The following SOCS5 variants were observed in gnomAD, a reference collection of about 807,000 sequenced individuals.
SOCS5 encodes the protein CIS-6.
In SOCS5, 32 loss-of-function variants were observed where a neutral mutation model predicts 42.8. The observed-to-expected ratio is 0.75, with a 90% CI of 0.56 to 1.01. The LOEUF (loss-of-function observed/expected upper bound fraction) is 1.01. Among genes scored for constraint, SOCS5 ranks in the 50% least tolerant of loss-of-function variants. The pLI, the probability that SOCS5 is intolerant of heterozygous loss-of-function variation, is 0.00. For missense variants in SOCS5, 627 were observed against 653.0 expected (o/e 0.96, Z 0.43); for synonymous variants, 283 against 229.6 (o/e 1.23, Z -2.10).
chr2:46,751,588 A>C lies in SOCS5; in HGVS notation c.-12-6931A>C, dbSNP rs957773174. ...TTCAAGTGAGGGTTAGATTTTTTAAAATATTTCTGGAGTATTTTAATTATT... is the reference window on the plus strand; with the variant it reads ...TTCAAGTGAGGGTTAGATTTTTTAACATATTTCTGGAGTATTTTAATTATT... On this transcript the variant is annotated intron_variant, in intron 1 of 1. Coordinates refer to ENST00000394861, the MANE Select transcript of SOCS5 (RefSeq NM_144949.3). 5.4e-4 allele frequency among the ~76,000 whole-genome samples: 82 copies of C among 152,100 alleles called. 2 individuals carry two copies. The highest frequency in any genetic ancestry group is 1.5e-3 in the African/African-American group (63 of 41,422).
At chr2:46,723,245 A>C (rs190287440) in intron 1 of SOCS5, among the ~76,000 whole-genome samples, 2 of 152,116 alleles carry the variant, frequency 1.3e-5, no homozygotes, top group African/African-American at 4.8e-5. Flanking sequence ...TCCATGTCCC[A>C]ATGATTTTAT....
chr2:46,743,826 C>T (rs1278868342), intron 1 of SOCS5, among the ~76,000 whole-genome samples: 1 of 152,058 alleles, frequency 6.6e-6, no homozygotes, highest in Non-Finnish European at 1.5e-5. Context: ...TTTGTATTTT[C>T]TGTTGGTAAT....
intron 1 of SOCS5, among the ~76,000 whole-genome samples, chr2:46,700,651 G>A (rs1452464154): frequency 6.6e-6 from 1 of 152,130 alleles, no homozygotes. Flanking sequence ...ACTAAAATCA[G>A]GTTGAGTTTC....
In SOCS5 at chr2:46,722,034, G is replaced by A. The variant is rs888529684; in HGVS notation, c.-13+22585G>A. Among the ~76,000 whole-genome samples, 3 of 151,850 alleles carry A rather than the reference G, an allele frequency of 2.0e-5. No individual in the cohort carries two copies. In the East Asian group the frequency reaches 5.8e-4, roughly 29 times the overall value. On this transcript the variant is annotated intron_variant, in intron 1 of 1. Transcript: ENST00000394861. ...CAAGGACCCAATGAATATCTAGTAT[G>A]AATATATAATCTTTATTTAAACTTC... is the stretch of plus-strand genomic sequence containing the variant.
At chr2:46,749,593 C>T (rs1673580783) in intron 1 of SOCS5, among the ~76,000 whole-genome samples, 1 of 152,144 alleles carries the variant, frequency 6.6e-6, no homozygotes, top group Non-Finnish European at 1.5e-5. Flanking sequence ...TTTTAGGCTT[C>T]TCTAGTGTAC....
Position 46,759,561 on chromosome 2 carries a change from C to T in SOCS5, c.1031C>T (p.Ser344Phe). The T allele has an allele frequency of 6.2e-7, 1 of 1,613,952 alleles. No homozygotes were observed. The highest frequency in any genetic ancestry group is 8.5e-7 in the Non-Finnish European group (1 of 1,179,866). ...QSRRQKQRQISGDSHTHVSRQ... is the reference protein window; with the variant it reads ...QSRRQKQRQIFGDSHTHVSRQ... ...CGGAGGCAGAAGCAGCGTCAGATATCTGGAGACAGCCATACCCATGTTAGC... is the reference window on the plus strand; with the variant it reads ...CGGAGGCAGAAGCAGCGTCAGATATTTGGAGACAGCCATACCCATGTTAGC... Residue 344 changes from serine to phenylalanine, a missense_variant, in exon 2 of 2, where the codon TCT becomes TTT. Physicochemically the swap from Ser to Phe is radical, Grantham distance 155. Around this residue, in one of 3 missense-constraint regions of SOCS5, gnomAD observed 340 missense variants for 367.6 expected, o/e 0.92. Coordinates refer to ENST00000394861, the MANE Select transcript of SOCS5 (RefSeq NM_144949.3).
At chr2:46,726,678 C>G (rs1672999266) in intron 1 of SOCS5, among the ~76,000 whole-genome samples, 2 of 151,878 alleles carry the variant, frequency 1.3e-5, no homozygotes, top group African/African-American at 4.8e-5. Flanking sequence ...TATGTCATCT[C>G]CATTTTGCTT....
chr2:46,714,376 C>T (rs1182523121), intron 1 of SOCS5, among the ~76,000 whole-genome samples: 1 of 152,212 alleles, frequency 6.6e-6, no homozygotes, highest in African/African-American at 2.4e-5. Context: ...GAATTGACCC[C>T]TCTGTCATCA....
At chr2:46,703,591 A>G (rs2103686613) in intron 1 of SOCS5, among the ~76,000 whole-genome samples, 2 of 152,360 alleles carry the variant, frequency 1.3e-5, no homozygotes, top group East Asian at 3.9e-4. Flanking sequence ...ATGTTAAAAT[A>G]TAACCAACCA....
Position 46,762,833 on chromosome 2 carries a change from T to G in SOCS5, c.*2692T>G, listed in dbSNP as rs957208200. Reference sequence around the variant, plus strand: ...AATAATTAACCCAAGAAAAGGTTGCTTTGATTTGTACCCATTCTCATTCAT... The same window carrying G: ...AATAATTAACCCAAGAAAAGGTTGCGTTGATTTGTACCCATTCTCATTCAT... On this transcript the variant is annotated 3_prime_UTR_variant, in exon 2 of 2. Transcript: ENST00000394861. The G allele has an allele frequency of 1.9e-4, 32 of 166,072 alleles. No individual in the cohort carries two copies. Among genetic ancestry groups the G allele is most frequent in the Non-Finnish European group, 1.0e-4 (7 of 68,066 alleles). The allele number at this position is 166,072 out of a possible 1,614,324, so 10.3% of individuals were successfully genotyped here.
intron 1 of SOCS5, among the ~76,000 whole-genome samples, chr2:46,748,025 G>T (rs1673542662): frequency 6.6e-6 from 1 of 152,004 alleles, no homozygotes. Context: ...TGTATTACTT[G>T]GAGTTTCTAG....
At position 46,758,798 on chromosome 2, in the gene SOCS5, G is replaced by A; in HGVS notation, c.268G>A (p.Val90Ile). 2 of 1,614,166 alleles carry A rather than the reference G, an allele frequency of 1.2e-6. No homozygotes were observed. The highest frequency in any genetic ancestry group is 1.7e-6 in the Non-Finnish European group (2 of 1,180,006). ...QNCATEIPQI[V>I]EISIEKDNDS... ...TTGTGCCACAGAAATCCCTCAAATT[G>A]TTGAAATAAGCATCGAAAAGGATAA... is the stretch of plus-strand genomic sequence containing the variant. Residue 90 changes from valine (V) to isoleucine (I), a missense_variant, in exon 2 of 2, where the codon GTT becomes ATT. This residue lies in a region of SOCS5 where 278 missense variants were observed against 246.3 expected (regional missense o/e 1.13). Transcript: ENST00000394861.
At chr2:46,749,929 A>G (rs773891142) in intron 1 of SOCS5, among the ~76,000 whole-genome samples, 44 of 152,318 alleles carry the variant, frequency 2.9e-4, no homozygotes, top group Non-Finnish European at 2.4e-4. Context: ...GAGAAAAGCT[A>G]AAGATGCTAG....
chr2:46,750,431 A>G (rs142416156), intron 1 of SOCS5, among the ~76,000 whole-genome samples: 6 of 152,270 alleles, frequency 3.9e-5, no homozygotes, highest in Admixed American at 3.9e-4. Flanking sequence ...ACTGTATCAC[A>G]CATGACTCTT....
chr2:46,747,324 GATCCTCCCACCTC>G (rs1673525203), intron 1 of SOCS5, among the ~76,000 whole-genome samples: 1 of 151,868 alleles, frequency 6.6e-6, no homozygotes, highest in Non-Finnish European at 1.5e-5. Context: ...GGGCTCAAGT[GATCCTCCCACCTC>G]AGCCTCCAGA....
At chr2:46,729,360 A>G (rs890389990) in intron 1 of SOCS5, among the ~76,000 whole-genome samples, 39 of 152,224 alleles carry the variant, frequency 2.6e-4, no homozygotes, top group African/African-American at 8.9e-4. Context: ...CAACAGGGAT[A>G]CGTTCTGGGA....
chr2:46,736,108 A>C (rs1205312631), intron 1 of SOCS5, among the ~76,000 whole-genome samples: 1 of 150,576 alleles, frequency 6.6e-6, no homozygotes, highest in Non-Finnish European at 1.5e-5. Flanking sequence ...TGGTGCCATC[A>C]TAGCTCACTG....
intron 1 of SOCS5, among the ~76,000 whole-genome samples, chr2:46,721,794 G>C (rs964636610): frequency 1.4e-4 from 21 of 152,084 alleles, no homozygotes; most frequent in African/African-American, 4.8e-4. Context: ...GGAGGAAAAA[G>C]AAATATTTCA....
At chr2:46,704,698 A>C (rs1672422409) in intron 1 of SOCS5, among the ~76,000 whole-genome samples, 1 of 152,214 alleles carries the variant, frequency 6.6e-6, no homozygotes, top group Non-Finnish European at 1.5e-5. Flanking sequence ...CTTTTGTTGA[A>C]GTAGTTGGCC....
Sources: allele counts gnomAD v4.1 joint callset (sites outside exome capture counted in the v4.1 genomes callset), GRCh38; gene constraint gnomAD v4.1.1; regional missense constraint gnomAD v4.1.1; transcripts MANE v1.5; gene names NCBI Gene and HGNC (gene_info 2026-07-23, HGNC 2026-07-21).